Variants in NALCN observed in about 807,000 individuals in gnomAD.
The protein encoded by NALCN is sodium leak channel, non-selective.
A neutral mutation model predicts 225.3 loss-of-function variants in NALCN; 111 were observed. That is an observed-to-expected ratio of 0.49 (90% CI 0.42 to 0.58). The LOEUF is 0.58. NALCN is among the 20% of genes least tolerant of loss of function. The pLI is 0.00. For synonymous variants in NALCN, 764 were observed against 769.0 expected (o/e 0.99, Z 0.11); for missense variants, 1,378 against 2,202.4 (o/e 0.63, Z 7.49).
intron 6 of NALCN, among the ~76,000 whole-genome samples, chr13:101,372,020 ATTACT>A (rs1341233884): frequency 6.6e-6 from 1 of 152,206 alleles, no homozygotes; most frequent in Non-Finnish European, 1.5e-5. Context: ...AGAGTTACAC[ATTACT>A]TTAGAGTTAT....
At chr13:101,160,863 T>C (rs1368899743) in intron 15 of NALCN, among the ~76,000 whole-genome samples, 2 of 152,182 alleles carry the variant, frequency 1.3e-5, no homozygotes, top group Non-Finnish European at 2.9e-5. Flanking sequence ...ATCGACCAAA[T>C]CTGTTCTTAT....
chr13:101,340,815 T>C (rs2045534598), intron 7 of NALCN, among the ~76,000 whole-genome samples: 1 of 151,954 alleles, frequency 6.6e-6, no homozygotes, highest in African/African-American at 2.4e-5. Context: ...TGTTTGTTAC[T>C]TTTCTTTTGA....
rs1288930391 is a variant in NALCN, at chr13:101,258,510, A to C, written c.1199T>G (p.Val400Gly). 3 of 1,614,192 alleles carry C rather than the reference A, an allele frequency of 1.9e-6. No individual in the cohort carries two copies. The highest frequency in any genetic ancestry group is 2.5e-6 in the Non-Finnish European group (3 of 1,180,032). Reference sequence around the variant, plus strand: ...TCCTTTGTAGTAGTTGCTAGCCGCCACGATCACGTCCACGGTCACCATGCT... The same window carrying C: ...TCCTTTGTAGTAGTTGCTAGCCGCCCCGATCACGTCCACGGTCACCATGCT... ...ILSMVTVDVIVAASNYYKGEN... is the reference protein window; with the variant it reads ...ILSMVTVDVIGAASNYYKGEN... The change falls in exon 11 of 44, where the codon GTG becomes GGG. Residue 400 changes from valine (V) to glycine (G), a missense_variant. Physicochemically the swap from Val to Gly is moderately radical, Grantham distance 109. Around this residue, in one of 19 missense-constraint regions of NALCN, gnomAD observed 144 missense variants for 187.7 expected, o/e 0.77. Transcript: ENST00000251127.
chr13:101,369,366 C>T (rs1215730565), intron 6 of NALCN, among the ~76,000 whole-genome samples: 5 of 152,078 alleles, frequency 3.3e-5, no homozygotes, highest in Non-Finnish European at 7.4e-5. Context: ...ATTTAGATCA[C>T]AAGGCATGTT....
intron 15 of NALCN, among the ~76,000 whole-genome samples, chr13:101,171,637 A>T (rs1004359961): frequency 1.3e-5 from 2 of 152,158 alleles, no homozygotes; most frequent in African/African-American, 4.8e-5. Context: ...TCATATGGTT[A>T]TATGATTGAG....
intron 13 of NALCN, among the ~76,000 whole-genome samples, chr13:101,198,842 G>A (rs889790440): frequency 3.3e-5 from 5 of 152,268 alleles, no homozygotes; most frequent in Middle Eastern, 3.4e-3. Context: ...ACATGCATAT[G>A]TATGTTTATT....
chr13:101,208,265 C>G (rs1219917191), intron 13 of NALCN, among the ~76,000 whole-genome samples: 3 of 152,184 alleles, frequency 2.0e-5, no homozygotes, highest in African/African-American at 7.2e-5. Context: ...CTGTAACACT[C>G]ATCACAGAGG....
chr13:101,242,747 T>C (rs2041791367), intron 11 of NALCN, among the ~76,000 whole-genome samples: 1 of 106,598 alleles, frequency 9.4e-6, no homozygotes, highest in Non-Finnish European at 2.1e-5. Context: ...CTCAAATAAA[T>C]ACAAAGGGTT....
intron 1 of NALCN, among the ~76,000 whole-genome samples, chr13:101,406,514 T>A (rs1188851274): frequency 6.6e-6 from 1 of 152,200 alleles, no homozygotes; most frequent in Non-Finnish European, 1.5e-5. Context: ...TATATTTAAA[T>A]CATATAGCCT....
chr13:101,159,530 A>G (rs2038061608), intron 15 of NALCN, among the ~76,000 whole-genome samples: 1 of 152,220 alleles, frequency 6.6e-6, no homozygotes, highest in African/African-American at 2.4e-5. Flanking sequence ...AACTACGTAT[A>G]TTAGAAAACC....
intron 10 of NALCN, among the ~76,000 whole-genome samples, chr13:101,269,241 T>TATATATATA (rs1566509203): frequency 6.8e-6 from 1 of 147,826 alleles, no homozygotes; most frequent in South Asian, 2.1e-4. Context: ...TATATATATA[T>TATATATATA]TTTAGCCTGG....
At position 101,103,355 on chromosome 13, in the gene NALCN, T is replaced by C. The variant is rs759613108; in HGVS notation, c.2890-16A>G. 19 of 1,596,180 alleles carry C rather than the reference T, an allele frequency of 1.2e-5. No individual in the cohort carries two copies. The African/African-American group carries it at 1.2e-4, about 10-fold the overall frequency. On this transcript the variant is annotated splice_polypyrimidine_tract_variant and intron_variant, in intron 25 of 43. Coordinates refer to ENST00000251127, the MANE Select transcript of NALCN (RefSeq NM_052867.4). The stretch of plus-strand genomic sequence containing the variant: ...TCAAGCTCACCTAAAGGGGAACAAA[T>C]GATCTCTGGAATTTATACAATTCAT...
chr13:101,281,268 C>A (rs987710289), intron 10 of NALCN, among the ~76,000 whole-genome samples: 2 of 152,166 alleles, frequency 1.3e-5, no homozygotes, highest in Non-Finnish European at 2.9e-5. Flanking sequence ...AAACCCACAT[C>A]ACTCTTGTGA....
chr13:101,078,739 C>A (rs895772469), intron 34 of NALCN, among the ~76,000 whole-genome samples: 1 of 152,092 alleles, frequency 6.6e-6, no homozygotes, highest in African/African-American at 2.4e-5. Context: ...TGAATTAAGA[C>A]TTTCGGGGAC....
At chr13:101,314,319 T>G (rs1484570881) in intron 7 of NALCN, among the ~76,000 whole-genome samples, 1 of 151,600 alleles carries the variant, frequency 6.6e-6, no homozygotes, top group Non-Finnish European at 1.5e-5. Flanking sequence ...AATAATAAAA[T>G]AAAAAAATGT....
chr13:101,057,912 G>T, intron 43 of NALCN, 27 bp downstream of exon 43: 1 of 1,553,706 alleles, frequency 6.4e-7, no homozygotes, highest in Non-Finnish European at 8.9e-7. Context: ...TGCCTCGATC[G>T]CTGGAGAAAT....
intron 7 of NALCN, among the ~76,000 whole-genome samples, chr13:101,304,220 T>C (rs9557611): frequency 0.073 from 11,039 of 152,230 alleles, 657 homozygotes; most frequent in East Asian, 0.25. Flanking sequence ...AGTACACTTA[T>C]TTCAGATGTA....
chr13:101,385,464 T>C (rs1003332431), intron 3 of NALCN, among the ~76,000 whole-genome samples: 1 of 152,182 alleles, frequency 6.6e-6, no homozygotes, highest in Non-Finnish European at 1.5e-5. Flanking sequence ...TCCCTCTCTA[T>C]GTAGATTCTC....
intron 33 of NALCN, 100 bp from the exon 34 acceptor site, chr13:101,081,746 T>C: frequency 1.4e-6 from 2 of 1,420,378 alleles, no homozygotes; most frequent in Non-Finnish European, 1.9e-6. Context: ...TTTTTTCAAA[T>C]GAAGAAAATT....
Sources: allele counts gnomAD v4.1 joint callset (sites outside exome capture counted in the v4.1 genomes callset), GRCh38; gene constraint gnomAD v4.1.1; regional missense constraint gnomAD v4.1.1; transcripts MANE v1.5; gene names NCBI Gene and HGNC (gene_info 2026-07-23, HGNC 2026-07-21).